Variants in EPO observed in about 807,000 individuals in gnomAD.
EPO encodes erythropoietin.
Under a neutral mutation model 24.4 loss-of-function variants are expected in EPO, and 12 were observed. That is an observed-to-expected ratio of 0.49 (90% confidence interval 0.32 to 0.80). The LOEUF (loss-of-function observed/expected upper bound fraction) is 0.80. Ranked by LOEUF, EPO falls within the 30% of genes least tolerant of loss-of-function variation. The pLI is 0.04. For missense variants in EPO, 210 were observed against 238.0 expected, an observed-to-expected ratio of 0.88 and a Z score of 0.77; for synonymous variants, 107 against 104.0, an observed-to-expected ratio of 1.03 and a Z score of -0.18.
rs771913982 is a variant in EPO at position 100,720,961 on chromosome 7, G to A, written c.-20G>A. On this transcript the variant is annotated 5_prime_UTR_variant, in exon 1 of 5. Coordinates refer to ENST00000252723, the MANE Select transcript of EPO (RefSeq NM_000799.4). ...CCCGGCGCGCCCCAGGTCGCTGAGG[G>A]ACCCCGGCCAGGCGCGGAGATGGGG... 3.2e-6 allele frequency: 5 copies of A among 1,563,924 alleles called. No individual in the cohort carries two copies. In the African/African-American group the frequency reaches 6.9e-5, roughly 21 times the overall value.
At chr7:100,722,177 A>G (rs928590266) in intron 3 of EPO, 129 bp downstream of exon 3, 6 of 839,782 alleles carry the variant, frequency 7.1e-6, no homozygotes, top group African/African-American at 1.7e-5. Flanking sequence ...GCCTGGGCGC[A>G]GAGGCTCACG....
Position 100,723,397 on chromosome 7 carries a change from A to T in EPO, c.*264A>T, listed in dbSNP as rs1181382023. 2.5e-6 allele frequency: 1 copy of T among 398,326 alleles called. No homozygotes were observed. Among genetic ancestry groups the T allele is most frequent in the Non-Finnish European group, 4.5e-6 (1 of 221,058 alleles). 24.7% of individuals were successfully genotyped at this position (398,326 alleles called of 1,614,324 possible). ...AGAGCAGCTTTAAACTCAGGGACAG[A>T]GCCATGCTGGGAAGACGCCTGAGCT... On this transcript the variant is annotated 3_prime_UTR_variant, in exon 5 of 5. Coordinates refer to ENST00000252723, the MANE Select transcript of EPO (RefSeq NM_000799.4).
chr7:100,721,518 T>A lies in EPO; in HGVS notation c.14-40T>A, dbSNP rs764545677. 4.8e-5 allele frequency: 77 copies of A among 1,598,670 alleles called. No individual in the cohort carries two copies. The highest frequency in any genetic ancestry group is 6.3e-5 in the Non-Finnish European group (74 of 1,170,536). ...AGCTGTCCTTCCACAGCCACCCTTC[T>A]CCCTCCCCGCCTGACTCTCAGCCTG... On this transcript the variant is annotated intron_variant, in intron 1 of 4. Coordinates refer to ENST00000252723, the MANE Select transcript of EPO (RefSeq NM_000799.4). This position sits in a 1 kb window ranked among gnomAD's most constrained non-coding sequence, Gnocchi z 4.0.
Position 100,722,660 on chromosome 7 carries a change from G to A in EPO, c.247-4G>A, listed in dbSNP as rs2131441421. The A allele has an allele frequency of 6.3e-7, 1 of 1,587,104 alleles. No individual in the cohort carries two copies. Among genetic ancestry groups the A allele is most frequent in the Non-Finnish European group, 8.5e-7 (1 of 1,171,634 alleles). On this transcript the variant is annotated splice_polypyrimidine_tract_variant and splice_region_variant and intron_variant, in intron 3 of 4. Coordinates refer to ENST00000252723, the MANE Select transcript of EPO (RefSeq NM_000799.4). ...AGCTGACTCCCAGAGTCCACTCCCT[G>A]TAGGTCGGGCAGCAGGCCGTAGAAG...
rs1584530591 is a variant in EPO, at chr7:100,720,749, T to A, written c.-232T>A. Reference sequence around the variant, plus strand: ...CCGACCCCCGGCCAGAGCCGCAGAGTCCCTGGGCCACCCCGGCCGCTCGCT... The same window carrying A: ...CCGACCCCCGGCCAGAGCCGCAGAGACCCTGGGCCACCCCGGCCGCTCGCT... On this transcript the variant is annotated 5_prime_UTR_variant, in exon 1 of 5. Transcript: ENST00000252723. 1 of 406,318 alleles carries A rather than the reference T, an allele frequency of 2.5e-6. No homozygotes were observed. 25.2% of individuals were successfully genotyped at this position (406,318 alleles called of 1,614,324 possible). A position where few individuals can be genotyped will look rare whatever the true frequency, so the allele number is the denominator to read the frequency against.
intron 3 of EPO, 100 bp from the exon 4 acceptor site, chr7:100,722,549 TCAACAAGTCTTATTG>T: frequency 1.3e-6 from 1 of 745,416 alleles, no homozygotes; most frequent in Non-Finnish European, 2.2e-6. Flanking sequence ...ATTCATTCAT[TCAACAAGTCTTATTG>T]CATACCTTCT....
At position 100,722,538 on chromosome 7, in the gene EPO, C is replaced by T. The variant is rs1806760104; in HGVS notation, c.247-126C>T. 5.9e-6 allele frequency: 4 copies of T among 673,078 alleles called. No homozygotes were observed. In the Admixed American group the frequency reaches 8.7e-5, roughly 15 times the overall value. 41.7% of individuals were successfully genotyped at this position (673,078 alleles called of 1,614,324 possible). The stretch of plus-strand genomic sequence containing the variant: ...TCACTCACTCACTCACTCATTCATT[C>T]ATTCATTCATTCAACAAGTCTTATT... On this transcript the variant is annotated intron_variant, in intron 3 of 4. Transcript: ENST00000252723.
Position 100,723,019 on chromosome 7 carries a change from A to G in EPO, c.468A>G (p.Pro156=), listed in dbSNP as rs1247566956. 1 of 1,613,960 alleles carries G rather than the reference A, an allele frequency of 6.2e-7. No individual in the cohort carries two copies. The change falls in exon 5 of 5, where the codon CCA becomes CCG. Residue 156 remains proline (P), a synonymous_variant. Transcript: ENST00000252723. The stretch of plus-strand genomic sequence containing the variant: ...CTCCAGATGCGGCCTCAGCTGCTCC[A>G]CTCCGAACAATCACTGCTGACACTT... ...ISPPDAASAA[P]LRTITADTFR...
At chr7:100,722,933 C>T (rs1222088681) in intron 4 of EPO, 45 bp from the exon 5 acceptor site, 2 of 1,610,888 alleles carry the variant, frequency 1.2e-6, no homozygotes, top group East Asian at 2.2e-5. Flanking sequence ...CGTATTCCTT[C>T]CCTTTCTGTG....
Position 100,720,761 on chromosome 7 carries a change from C to A in EPO, c.-220C>A, listed in dbSNP as rs576397148. On this transcript the variant is annotated 5_prime_UTR_variant, in exon 1 of 5. Transcript: ENST00000252723. ...CAGAGCCGCAGAGTCCCTGGGCCACCCCGGCCGCTCGCTGCGCTGCGCCGC... is the reference window on the plus strand; with the variant it reads ...CAGAGCCGCAGAGTCCCTGGGCCACACCGGCCGCTCGCTGCGCTGCGCCGC... 31 of 459,040 alleles carry A rather than the reference C, an allele frequency of 6.8e-5. No homozygotes were observed. In the East Asian group the frequency reaches 1.0e-3, roughly 15 times the overall value. 28.4% of individuals were successfully genotyped at this position (459,040 alleles called of 1,614,324 possible). A position where few individuals can be genotyped will look rare whatever the true frequency, so the allele number is the denominator to read the frequency against.
At position 100,722,857 on chromosome 7, in the gene EPO, G is replaced by T. The variant is rs1411397153; in HGVS notation, c.426+14G>T. On this transcript the variant is annotated intron_variant, in intron 4 of 4. Coordinates refer to ENST00000252723, the MANE Select transcript of EPO (RefSeq NM_000799.4). ...CTGGGAGCCCAGGTGAGTAGGAGCGGACACTTCTGCTTGCCCTTTCTGTAA... is the reference window on the plus strand; with the variant it reads ...CTGGGAGCCCAGGTGAGTAGGAGCGTACACTTCTGCTTGCCCTTTCTGTAA... 6 of 1,611,992 alleles carry T rather than the reference G, an allele frequency of 3.7e-6. No individual in the cohort carries two copies. Among genetic ancestry groups the T allele is most frequent in the Non-Finnish European group, 1.7e-6 (2 of 1,179,220 alleles).
chr7:100,722,549 TCAA>T (rs1806760474), intron 3 of EPO, 112 bp from the exon 4 acceptor site: 8 of 745,298 alleles, frequency 1.1e-5, no homozygotes, highest in Non-Finnish European at 1.6e-5. Context: ...ATTCATTCAT[TCAA>T]CAAGTCTTAT....
chr7:100,723,081 G>A lies in EPO; in HGVS notation c.530G>A (p.Arg177Gln), dbSNP rs1358275550. ...KLFRVYSNFL[R>Q]GKLKLYTGEA... ...TTCCGAGTCTACTCCAATTTCCTCC[G>A]GGGAAAGCTGAAGCTGTACACAGGG... The change falls in exon 5 of 5, where the codon CGG (arginine) becomes CAG (glutamine). Residue 177 changes from arginine to glutamine, a missense_variant. Physicochemically the swap from Arg to Gln is conservative, Grantham distance 43 (BLOSUM62 1). Transcript: ENST00000252723. 3.7e-6 allele frequency: 6 copies of A among 1,613,920 alleles called. No individual in the cohort carries two copies. The highest frequency in any genetic ancestry group is 1.7e-5 in the Admixed American group (1 of 59,960).
chr7:100,722,073 C>A, intron 3 of EPO, 25 bp downstream of exon 3: 30 of 1,230,266 alleles, frequency 2.4e-5, no homozygotes, highest in Non-Finnish European at 3.2e-5. Flanking sequence ...TTTTTTTTTT[C>A]CTTTCTTTTG....
In EPO at chr7:100,721,614, C is replaced by T; in HGVS notation, c.70C>T (p.Pro24Ser). 2 of 1,614,010 alleles carry T rather than the reference C, an allele frequency of 1.2e-6. No individual in the cohort carries two copies. The highest frequency in any genetic ancestry group is 1.7e-6 in the Non-Finnish European group (2 of 1,180,024). ...CCTGCTGTCGCTCCCTCTGGGCCTC[C>T]CAGTCCTGGGCGCCCCACCACGCCT... ...LSLLSLPLGL[P>S]VLGAPPRLIC... Residue 24 changes from proline (P) to serine (S), a missense_variant, in exon 2 of 5, where the codon CCA becomes TCA. By Grantham distance (74) the Pro-to-Ser change is moderately conservative. Transcript: ENST00000252723. The surrounding 1 kb of genome is among the most constrained non-coding windows in gnomAD (Gnocchi z 4.0).
Position 100,721,083 on chromosome 7 carries a change from G to T in EPO, c.13+90G>T. ...CCCGGCTATTGGCCAGGAGGTGGCTGGGTTCAAGGACCGGCGACTTGTCAA... is the reference window on the plus strand; with the variant it reads ...CCCGGCTATTGGCCAGGAGGTGGCTTGGTTCAAGGACCGGCGACTTGTCAA... On this transcript the variant is annotated intron_variant, in intron 1 of 4. Transcript: ENST00000252723. The surrounding 1 kb of genome is among the most constrained non-coding windows in gnomAD (Gnocchi z 4.0). The T allele has an allele frequency of 1.4e-6, 2 of 1,413,204 alleles. No individual in the cohort carries two copies. Among genetic ancestry groups the T allele is most frequent in the South Asian group, 2.8e-5 (2 of 71,958 alleles). The allele number at this position is 1,413,204 out of a possible 1,614,324, so 87.5% of individuals were successfully genotyped here.
chr7:100,720,837 C>A lies in EPO; in HGVS notation c.-144C>A. 1 of 1,041,448 alleles carries A rather than the reference C, an allele frequency of 9.6e-7. No homozygotes were observed. Among genetic ancestry groups the A allele is most frequent in the Non-Finnish European group, 1.3e-6 (1 of 791,612 alleles). 64.5% of individuals were successfully genotyped at this position (1,041,448 alleles called of 1,614,324 possible). A position where few individuals can be genotyped will look rare whatever the true frequency, so the allele number is the denominator to read the frequency against. On this transcript the variant is annotated 5_prime_UTR_variant, in exon 1 of 5. Coordinates refer to ENST00000252723, the MANE Select transcript of EPO (RefSeq NM_000799.4). ...CCGGGGCCACCGCGCCCGCTCTGCT[C>A]CGACACCGCGCCCCCTGGACAGCCG...
In EPO at chr7:100,721,943, C is replaced by G. The variant is rs201945162; in HGVS notation, c.160-19C>G. 1.2e-6 allele frequency: 2 copies of G among 1,600,974 alleles called. No individual in the cohort carries two copies. Among genetic ancestry groups the G allele is most frequent in the East Asian group, 2.2e-5 (1 of 44,848 alleles). Reference sequence around the variant, plus strand: ...GAGCCTTCAGGGACCCTTGACTCCCCGGGCTGTGTGCATTTCAGACGGGCT... The same window carrying G: ...GAGCCTTCAGGGACCCTTGACTCCCGGGGCTGTGTGCATTTCAGACGGGCT... On this transcript the variant is annotated intron_variant, in intron 2 of 4. Transcript: ENST00000252723. The surrounding 1 kb of genome is among the most constrained non-coding windows in gnomAD (Gnocchi z 4.0).
rs1391193589 is a variant in EPO, at chr7:100,723,058, C to T, written c.507C>T (p.Phe169=). 1 of 1,614,170 alleles carries T rather than the reference C, an allele frequency of 6.2e-7. No homozygotes were observed. Among genetic ancestry groups the T allele is most frequent in the Admixed American group, 1.7e-5 (1 of 59,996 alleles). The change falls in exon 5 of 5, where the codon TTC becomes TTT. Residue 169 remains phenylalanine, a synonymous_variant. Transcript: ENST00000252723. ...CTGCTGACACTTTCCGCAAACTCTTCCGAGTCTACTCCAATTTCCTCCGGG... is the reference window on the plus strand; with the variant it reads ...CTGCTGACACTTTCCGCAAACTCTTTCGAGTCTACTCCAATTTCCTCCGGG... ...TITADTFRKL[F]RVYSNFLRGK...
Sources: allele counts gnomAD v4.1 joint callset, GRCh38; gene constraint gnomAD v4.1.1; non-coding constraint Gnocchi (gnomAD v3.1); transcripts MANE v1.5; gene names NCBI Gene and HGNC (gene_info 2026-07-23, HGNC 2026-07-21).